Variants in ANO1 observed in about 807,000 individuals in gnomAD.
The protein encoded by ANO1 is anoctamin 1, also known as anoctamin-1.
ANO1 carries 59 observed loss-of-function variants against 124.0 expected under a neutral mutation model. The observed-to-expected ratio is 0.48, with a 90% CI of 0.39 to 0.59. The LOEUF (loss-of-function observed/expected upper bound fraction) is 0.59. ANO1 is among the 20% of genes least tolerant of loss of function. ANO1 has a pLI of 0.00. For missense variants in ANO1, 1,059 were observed against 1,328.0 expected, an observed-to-expected ratio of 0.80 and a Z score of 3.15; for synonymous variants, 529 against 532.0, an observed-to-expected ratio of 0.99 and a Z score of 0.08.
chr11:70,062,544 T>G (rs531298277), intron 1 of ANO1, among the ~76,000 whole-genome samples: 1 of 152,334 alleles, frequency 6.6e-6, no homozygotes, highest in South Asian at 2.1e-4. Flanking sequence ...GAACGGACCA[T>G]GCTGGGGTGA....
At chr11:70,098,561 C>T (rs1301083778) in intron 2 of ANO1, among the ~76,000 whole-genome samples, 27 of 152,202 alleles carry the variant, frequency 1.8e-4, no homozygotes, top group Admixed American at 1.8e-3. Flanking sequence ...TGAACAATGC[C>T]CTCCAGGGTA....
chr11:70,070,169 G>A (rs1857835554), intron 1 of ANO1, among the ~76,000 whole-genome samples: 1 of 152,034 alleles, frequency 6.6e-6, no homozygotes, highest in South Asian at 2.1e-4. Context: ...GTTCAATTCT[G>A]TGCATTTTTC....
chr11:69,971,822 C>A, the ANO1 span, among the ~76,000 whole-genome samples: 2 of 152,096 alleles, frequency 1.3e-5, no homozygotes, highest in African/African-American at 4.8e-5. Flanking sequence ...TCACGACTGC[C>A]GGAAAGGTGA....
At chr11:70,166,639 T>G (rs2048265825) in intron 20 of ANO1, among the ~76,000 whole-genome samples, 1 of 152,188 alleles carries the variant, frequency 6.6e-6, no homozygotes, top group African/African-American at 2.4e-5. Flanking sequence ...CACTTGGGCA[T>G]GACCAGCCTC....
At chr11:70,134,489 G>A (rs2046878305) in intron 11 of ANO1, among the ~76,000 whole-genome samples, 1 of 152,208 alleles carries the variant, frequency 6.6e-6, no homozygotes, top group East Asian at 1.9e-4. Flanking sequence ...GCTGCATGAG[G>A]ATCAGAGGCG....
chr11:70,023,314 A>G (rs1421161831), intron 1 of ANO1, among the ~76,000 whole-genome samples: 2 of 152,196 alleles, frequency 1.3e-5, no homozygotes, highest in African/African-American at 4.8e-5. Flanking sequence ...TAGCAGGAGC[A>G]TGGCCATGTA....
At chr11:70,153,013 TC>T in intron 13 of ANO1, 43 bp from the exon 14 acceptor site, 2 of 1,552,536 alleles carry the variant, frequency 1.3e-6, no homozygotes, top group Non-Finnish European at 1.8e-6. Context: ...GAGCTCAGAC[TC>T]AAAATTAACA....
rs201042678 is a variant in ANO1 at position 70,087,818 on chromosome 11, C to T, written c.175C>T (p.Arg59Trp). ...CKYGLYFRDG[R>W]RKVDYILVYH... ...GTATGGCCTGTACTTCAGGGACGGC[C>T]GGCGCAAGGTGGACTACATCCTGGT... is the stretch of plus-strand genomic sequence containing the variant. The change falls in exon 2 of 26, where the codon CGG (arginine) becomes TGG (tryptophan). Residue 59 changes from arginine to tryptophan, a missense_variant. Coordinates refer to ENST00000355303, the MANE Select transcript of ANO1 (RefSeq NM_018043.7). 6.6e-5 allele frequency: 107 copies of T among 1,612,956 alleles called. 1 individual carries two copies. In the African/African-American group the frequency reaches 8.9e-4, roughly 13 times the overall value.
intron 12 of ANO1, among the ~76,000 whole-genome samples, chr11:70,152,122 G>T (rs1327718022): frequency 6.6e-6 from 1 of 152,054 alleles, no homozygotes; most frequent in Non-Finnish European, 1.5e-5. Context: ...GGATCACGAG[G>T]TCAGGAGATC....
At chr11:70,172,550 T>C (rs144100552) in intron 22 of ANO1, among the ~76,000 whole-genome samples, 82 of 152,294 alleles carry the variant, frequency 5.4e-4, no homozygotes, top group African/African-American at 1.9e-3. Flanking sequence ...GTTGAGCTTT[T>C]GTAGGCCAAA....
the ANO1 span, among the ~76,000 whole-genome samples, chr11:69,970,844 G>T: frequency 2.0e-5 from 3 of 152,216 alleles, no homozygotes; most frequent in African/African-American, 4.8e-5. Flanking sequence ...CCCATGCTCA[G>T]CACGGATATC....
chr11:70,101,906 G>A (rs192519878), intron 2 of ANO1, among the ~76,000 whole-genome samples: 70 of 152,284 alleles, frequency 4.6e-4, no homozygotes, highest in Admixed American at 1.4e-3. Flanking sequence ...GAGGACCAAG[G>A]CCCCCACTGC....
intron 1 of ANO1, among the ~76,000 whole-genome samples, chr11:69,995,111 T>TTTTTG (rs1856241153): frequency 2.6e-5 from 4 of 151,248 alleles, no homozygotes; most frequent in African/African-American, 7.3e-5. Context: ...TTTTTTTTTT[T>TTTTTG]TTTTTTGAGA....
upstream of ANO1, among the ~76,000 whole-genome samples, chr11:69,984,641 GCTC>G (rs1855995898): frequency 6.6e-6 from 1 of 152,146 alleles, no homozygotes; most frequent in African/African-American, 2.4e-5. Context: ...GAGGAGGACA[GCTC>G]CTCCTCCATC....
At chr11:70,172,274 T>C (rs1254193124) in intron 22 of ANO1, among the ~76,000 whole-genome samples, 2 of 151,956 alleles carry the variant, frequency 1.3e-5, no homozygotes, top group African/African-American at 2.4e-5. Context: ...TCCAGGAGGG[T>C]GAGGGGTATG....
intron 1 of ANO1, among the ~76,000 whole-genome samples, chr11:70,059,884 G>C (rs1434047235): frequency 6.6e-6 from 1 of 151,196 alleles, no homozygotes; most frequent in Non-Finnish European, 1.5e-5. Context: ...GACTGATAAA[G>C]GAGAAAGAAA....
chr11:70,087,637 G>C, intron 1 of ANO1, 115 bp from the exon 2 acceptor site: 6 of 1,053,260 alleles, frequency 5.7e-6, no homozygotes, highest in Middle Eastern at 5.9e-4. Context: ...GGCGCTCAGG[G>C]AGTGTTTGTT....
chr11:69,976,397 C>T, the ANO1 span, among the ~76,000 whole-genome samples: 2 of 151,752 alleles, frequency 1.3e-5, no homozygotes, highest in Non-Finnish European at 1.5e-5. Context: ...GTCGCAGCTA[C>T]TCGGGAGGCT....
intron 11 of ANO1, 23 bp downstream of exon 11, chr11:70,132,102 G>A: frequency 7.7e-6 from 12 of 1,564,962 alleles, no homozygotes; most frequent in Non-Finnish European, 1.0e-5. Flanking sequence ...CCAGAGCACT[G>A]GGTTTTTGGG....
Sources: allele counts gnomAD v4.1 joint callset (sites outside exome capture counted in the v4.1 genomes callset), GRCh38; gene constraint gnomAD v4.1.1; transcripts MANE v1.5; gene names NCBI Gene and HGNC (gene_info 2026-07-23, HGNC 2026-07-21).